Variants in PDE3A observed in about 807,000 individuals in gnomAD.
The protein encoded by PDE3A is cGMP-inhibited 3',5'-cyclic phosphodiesterase 3A.
Under a neutral mutation model 98.3 loss-of-function variants are expected in PDE3A, and 43 were observed. The observed-to-expected ratio is 0.44, with a 90% CI of 0.34 to 0.56. The LOEUF is 0.56. PDE3A is among the 20% of genes least tolerant of loss of function. The pLI is 0.01. For missense variants in PDE3A, 1,427 were observed against 1,440.7 expected (o/e 0.99, Z 0.15); for synonymous variants, 663 against 567.9 (o/e 1.17, Z -2.38).
At chr12:20,471,931 T>C (rs953170042) in intron 1 of PDE3A, among the ~76,000 whole-genome samples, 4 of 152,174 alleles carry the variant, frequency 2.6e-5, no homozygotes, top group Non-Finnish European at 5.9e-5. Context: ...TTAACCAGCG[T>C]GGCATTGACG....
At chr12:20,534,966 C>T (rs886509706) in intron 1 of PDE3A, among the ~76,000 whole-genome samples, 1 of 152,116 alleles carries the variant, frequency 6.6e-6, no homozygotes, top group Non-Finnish European at 1.5e-5. Context: ...TAGGTATGAA[C>T]TTTAATAAAA....
chr12:20,677,885 G>A (rs910298554), intron 15 of PDE3A, among the ~76,000 whole-genome samples: 1 of 151,270 alleles, frequency 6.6e-6, no homozygotes, highest in Non-Finnish European at 1.5e-5. Context: ...AGTATCAGTA[G>A]TATCTATGAT....
At chr12:20,408,818 A>G (rs984914742) in intron 1 of PDE3A, among the ~76,000 whole-genome samples, 2 of 152,218 alleles carry the variant, frequency 1.3e-5, no homozygotes, top group East Asian at 1.9e-4. Context: ...TCTAAATGCC[A>G]TGATAATATT....
intron 6 of PDE3A, among the ~76,000 whole-genome samples, chr12:20,633,044 A>G (rs10841578): frequency 0.075 from 10,583 of 141,008 alleles, 484 homozygotes; most frequent in Middle Eastern, 0.19. Context: ...TCCATCTCCC[A>G]GGTTCAAGCG....
At chr12:20,410,654 G>A (rs1247711223) in intron 1 of PDE3A, among the ~76,000 whole-genome samples, 3 of 152,204 alleles carry the variant, frequency 2.0e-5, no homozygotes, top group Non-Finnish European at 4.4e-5. Flanking sequence ...CCATTAAGAT[G>A]TGTCCTGTGA....
chr12:20,377,924 T>C (rs896577042), intron 1 of PDE3A, among the ~76,000 whole-genome samples: 5 of 151,776 alleles, frequency 3.3e-5, no homozygotes, highest in Admixed American at 2.6e-4. Context: ...GATTAGTCTA[T>C]AATTGGGTTA....
chr12:20,525,476 G>A (rs10841560), intron 1 of PDE3A, among the ~76,000 whole-genome samples: 3 of 145,944 alleles, frequency 2.1e-5, no homozygotes, highest in African/African-American at 7.7e-5. Flanking sequence ...TTGGGGGGGG[G>A]GGCTTTTGAC....
At position 20,369,487 on chromosome 12, in the gene PDE3A, G is replaced by T; in HGVS notation, c.203G>T (p.Gly68Val). The T allele has an allele frequency of 6.4e-7, 1 of 1,557,416 alleles. No homozygotes were observed. The highest frequency in any genetic ancestry group is 8.7e-7 in the Non-Finnish European group (1 of 1,151,150). ...AAACTTTCCTCCGCGCTGTGCGCGG[G>T]CTCCCTGTCCTTTCTGCTGGCGCTG... is the stretch of plus-strand genomic sequence containing the variant. ...SRKLSSALCA[G>V]SLSFLLALLV... Residue 68 changes from glycine (G) to valine (V), a missense_variant, in exon 1 of 16, where the codon GGC becomes GTC. Coordinates refer to ENST00000359062, the MANE Select transcript of PDE3A (RefSeq NM_000921.5).
intron 1 of PDE3A, among the ~76,000 whole-genome samples, chr12:20,407,990 G>C (rs1944263681): frequency 6.6e-6 from 1 of 151,906 alleles, no homozygotes; most frequent in African/African-American, 2.4e-5. Flanking sequence ...CTTGATCTTG[G>C]CTCACTGCAA....
chr12:20,513,424 C>A (rs1054825403), intron 1 of PDE3A, among the ~76,000 whole-genome samples: 1 of 152,244 alleles, frequency 6.6e-6, no homozygotes, highest in East Asian at 1.9e-4. Flanking sequence ...TAAACTATTT[C>A]ATGAGTAATA....
At chr12:20,656,572 A>G (rs1178028011) in intron 15 of PDE3A, among the ~76,000 whole-genome samples, 2 of 152,360 alleles carry the variant, frequency 1.3e-5, no homozygotes, top group East Asian at 3.9e-4. Context: ...ATTCAGAGCT[A>G]GAAGCCAAGA....
At chr12:20,387,789 C>A (rs189154986) in intron 1 of PDE3A, among the ~76,000 whole-genome samples, 1 of 151,988 alleles carries the variant, frequency 6.6e-6, no homozygotes, top group Admixed American at 6.6e-5. Context: ...TTGGGAACAA[C>A]AAAAGATAAG....
rs912077685 is a variant in PDE3A at position 20,661,485 on chromosome 12, C to A, written c.3184+7280C>A. Among the ~76,000 whole-genome samples the A allele has an allele frequency of 1.3e-5, 2 of 152,142 alleles. 1 individual carries two copies. Among genetic ancestry groups the A allele is most frequent in the Admixed American group, 1.3e-4 (2 of 15,284 alleles). Reference sequence around the variant, plus strand: ...TATGTCAGAGGTCTTCATGGCAGCCCCTCCCATCACAGGCCTAGGGGCCTA... The same window carrying A: ...TATGTCAGAGGTCTTCATGGCAGCCACTCCCATCACAGGCCTAGGGGCCTA... On this transcript the variant is annotated intron_variant, in intron 15 of 15. Transcript: ENST00000359062.
chr12:20,412,911 A>T (rs1428484262), intron 1 of PDE3A, among the ~76,000 whole-genome samples: 1 of 152,188 alleles, frequency 6.6e-6, no homozygotes, highest in East Asian at 1.9e-4. Context: ...AATAAGAGTG[A>T]GGGAGTGCAT....
intron 1 of PDE3A, among the ~76,000 whole-genome samples, chr12:20,550,873 T>C (rs74645332): frequency 0.024 from 3,596 of 152,024 alleles, 144 homozygotes; most frequent in African/African-American, 0.082. Flanking sequence ...CCGTAATCTA[T>C]TGAGTAATTT....
At chr12:20,654,745 C>A (rs1330435680) in intron 15 of PDE3A, among the ~76,000 whole-genome samples, 1 of 146,390 alleles carries the variant, frequency 6.8e-6, no homozygotes, top group Middle Eastern at 4.1e-3. Context: ...ATCTCCTGAC[C>A]TTGTGATCTG....
intron 5 of PDE3A, among the ~76,000 whole-genome samples, chr12:20,622,130 A>G (rs535016627): frequency 6.6e-6 from 1 of 152,218 alleles, no homozygotes; most frequent in Non-Finnish European, 1.5e-5. Context: ...TTAAGAGTTC[A>G]TCAAATGGTT....
intron 4 of PDE3A, among the ~76,000 whole-genome samples, chr12:20,618,217 T>A (rs1233999004): frequency 1.3e-5 from 2 of 152,166 alleles, no homozygotes; most frequent in African/African-American, 4.8e-5. Flanking sequence ...TTGATCCCTT[T>A]AAGGGAAAAC....
At chr12:20,400,429 T>C (rs1944107588) in intron 1 of PDE3A, among the ~76,000 whole-genome samples, 4 of 135,288 alleles carry the variant, frequency 3.0e-5, no homozygotes, top group South Asian at 2.4e-4. Context: ...TTTTTTGAGA[T>C]GGAGTCTCGA....
Sources: gnomAD v4.1 joint callset for allele counts (sites outside exome capture counted in the v4.1 genomes callset) on GRCh38, gnomAD v4.1.1 for gene constraint, MANE v1.5 for transcripts, NCBI Gene and HGNC (gene_info 2026-07-23, HGNC 2026-07-21) for gene names.